Variants in GJC1 observed in about 807,000 individuals in gnomAD.
GJC1 encodes gap junction protein gamma 1.
In GJC1, 5 loss-of-function variants were observed where a neutral mutation model predicts 29.3. The observed-to-expected ratio is 0.17, with a 90% CI of 0.09 to 0.36. The LOEUF (loss-of-function observed/expected upper bound fraction) is 0.36. Ranked by LOEUF, GJC1 falls within the 10% of genes least tolerant of loss-of-function variation. GJC1 has a pLI of 1.00. For missense variants in GJC1, 310 were observed against 496.2 expected, an observed-to-expected ratio of 0.62 and a Z score of 3.56; for synonymous variants, 177 against 183.3, an observed-to-expected ratio of 0.97 and a Z score of 0.28.
chr17:44,824,281 CAG>C (rs1367389308), intron 1 of GJC1, among the ~76,000 whole-genome samples: 2 of 152,130 alleles, frequency 1.3e-5, no homozygotes, highest in African/African-American at 4.8e-5. Context: ...GCTGGGATTA[CAG>C]GTGTGAGCCA....
intron 1 of GJC1, among the ~76,000 whole-genome samples, chr17:44,808,832 C>T (rs1300652768): frequency 6.6e-6 from 1 of 152,176 alleles, no homozygotes; most frequent in Non-Finnish European, 1.5e-5. Context: ...AATTCCAGCA[C>T]TTTGGGAAGC....
downstream of GJC1, among the ~76,000 whole-genome samples, chr17:44,796,739 T>TA (rs2049785532): frequency 6.6e-6 from 1 of 152,050 alleles, no homozygotes; most frequent in Non-Finnish European, 1.5e-5. Context: ...ATAAAAGATT[T>TA]AAAAAAATGA....
At chr17:44,825,114 C>A (rs2050158547) in intron 1 of GJC1, among the ~76,000 whole-genome samples, 1 of 129,748 alleles carries the variant, frequency 7.7e-6, no homozygotes, top group Non-Finnish European at 1.6e-5. Flanking sequence ...ACTAGGGATG[C>A]TGTGGTGGAA....
downstream of GJC1, among the ~76,000 whole-genome samples, chr17:44,796,382 T>C (rs535287189): frequency 2.6e-5 from 4 of 152,272 alleles, no homozygotes; most frequent in South Asian, 8.3e-4. Flanking sequence ...AAATCACTGA[T>C]AGATTATTTG....
chr17:44,826,079 C>G (rs2050172596), intron 1 of GJC1, among the ~76,000 whole-genome samples: 1 of 152,056 alleles, frequency 6.6e-6, no homozygotes, highest in East Asian at 1.9e-4. Flanking sequence ...TGCCACCACG[C>G]CCAGGTAATT....
Position 44,801,436 on chromosome 17 carries a change from G to A in GJC1, c.*3191C>T, listed in dbSNP as rs2049844070. Reference sequence around the variant, plus strand: ...AGAAGCAAGTGTCATGATGGAGCATGTCTTATATGGCAATTCAAAACAGTA... The same window carrying A: ...AGAAGCAAGTGTCATGATGGAGCATATCTTATATGGCAATTCAAAACAGTA... On this transcript the variant is annotated 3_prime_UTR_variant, in exon 3 of 3. Coordinates refer to ENST00000592524, the MANE Select transcript of GJC1 (RefSeq NM_005497.4). 6.6e-6 allele frequency: 1 copy of A among 152,144 alleles called. No individual in the cohort carries two copies. The highest frequency in any genetic ancestry group is 2.1e-4 in the South Asian group (1 of 4,824). The allele number at this position is 152,144 out of a possible 1,614,324, so 9.4% of individuals were successfully genotyped here.
intron 1 of GJC1, among the ~76,000 whole-genome samples, chr17:44,820,757 T>C (rs1315900371): frequency 6.6e-6 from 1 of 152,198 alleles, no homozygotes. Flanking sequence ...CTGCTTTATG[T>C]GCAGAGACCA....
chr17:44,812,131 G>A (rs2049989930), intron 1 of GJC1, among the ~76,000 whole-genome samples: 1 of 152,010 alleles, frequency 6.6e-6, no homozygotes, highest in Non-Finnish European at 1.5e-5. Flanking sequence ...TGGCCAACAT[G>A]ATGAAACCCG....
chr17:44,805,022 T>C lies in GJC1; in HGVS notation c.796A>G (p.Arg266Gly). Residue 266 changes from arginine to glycine, a missense_variant, in exon 3 of 3, where the codon AGG becomes GGG. By Grantham distance (125) the Arg-to-Gly change is moderately radical. Around this residue, in one of 4 missense-constraint regions of GJC1, gnomAD observed 146 missense variants for 165.0 expected, o/e 0.88. Coordinates refer to ENST00000592524, the MANE Select transcript of GJC1 (RefSeq NM_005497.4). The surrounding 1 kb of genome is among the most constrained non-coding windows in gnomAD (Gnocchi z 5.1). ...GTIRDSLNSK[R>G]RELEDPGAYN... ...GCACCCGGATCCTCAAGTTCCCTCC[T>C]TTTACTGTTTAGTGAGTCTCGAATG... The C allele has an allele frequency of 6.2e-7, 1 of 1,614,064 alleles. No homozygotes were observed. Among genetic ancestry groups the C allele is most frequent in the South Asian group, 1.1e-5 (1 of 91,082 alleles).
At chr17:44,825,078 G>T (rs1243459232) in intron 1 of GJC1, among the ~76,000 whole-genome samples, 1 of 150,844 alleles carries the variant, frequency 6.6e-6, no homozygotes, top group Non-Finnish European at 1.5e-5. Context: ...TGGGCGTGGT[G>T]GCGGTGTGGG....
chr17:44,797,054 T>C (rs1296011139), downstream of GJC1, among the ~76,000 whole-genome samples: 1 of 152,160 alleles, frequency 6.6e-6, no homozygotes, highest in Non-Finnish European at 1.5e-5. Flanking sequence ...CTCACTATGT[T>C]GCCCAGACTA....
chr17:44,806,011 C>G (rs776011356), intron 2 of GJC1, among the ~76,000 whole-genome samples, 174 bp from the exon 3 acceptor site: 1 of 152,150 alleles, frequency 6.6e-6, no homozygotes, highest in African/African-American at 2.4e-5. Flanking sequence ...GGGTGGCTCA[C>G]GCCTGTAATC....
At chr17:44,796,753 C>T (rs115605207), downstream of GJC1, among the ~76,000 whole-genome samples, 1,112 of 151,914 alleles carry the variant, frequency 7.3e-3, 23 homozygotes, top group African/African-American at 0.025. Context: ...AAAATGAATC[C>T]CCCAGAGAAC....
At chr17:44,809,402 A>G (rs1204773100) in intron 1 of GJC1, among the ~76,000 whole-genome samples, 1 of 152,210 alleles carries the variant, frequency 6.6e-6, no homozygotes, top group African/African-American at 2.4e-5. Context: ...GATGTAAGCC[A>G]GGTTTCCAAC....
chr17:44,818,698 G>A (rs966642706), intron 1 of GJC1, among the ~76,000 whole-genome samples: 2 of 152,106 alleles, frequency 1.3e-5, no homozygotes, highest in African/African-American at 4.8e-5. Flanking sequence ...AGGAGGCTGA[G>A]GCAGGAGAAT....
Position 44,804,828 on chromosome 17 carries a change from G to C in GJC1, c.990C>G (p.Asn330Lys). The C allele has an allele frequency of 6.2e-7, 1 of 1,614,194 alleles. No individual in the cohort carries two copies. Among genetic ancestry groups the C allele is most frequent in the South Asian group, 1.1e-5 (1 of 91,088 alleles). Residue 330 changes from asparagine to lysine, a missense_variant, in exon 3 of 3, where the codon AAC becomes AAG. Asn to Lys is a moderately conservative substitution (Grantham distance 94). Transcript: ENST00000592524. ...GCAGAGCCTCCAGGTCAGCTGGGAGGTTCTCCTCATGGCTGCCATACTGCT... is the reference window on the plus strand; with the variant it reads ...GCAGAGCCTCCAGGTCAGCTGGGAGCTTCTCCTCATGGCTGCCATACTGCT... The part of the protein sequence containing the change: ...QEQQYGSHEE[N>K]LPADLEALQR...
intron 1 of GJC1, chr17:44,813,169 A>C (rs1048248982): frequency 2.0e-5 from 3 of 151,714 alleles, no homozygotes; most frequent in African/African-American, 7.3e-5. Flanking sequence ...CCTGGGTCCA[A>C]GCAATTCTCC....
At chr17:44,797,993 A>G (rs1314941125), downstream of GJC1, among the ~76,000 whole-genome samples, 1 of 152,154 alleles carries the variant, frequency 6.6e-6, no homozygotes, top group African/African-American at 2.4e-5. Context: ...CTTTTCAACG[A>G]CACTGCTGAC....
upstream of GJC1, among the ~76,000 whole-genome samples, chr17:44,830,433 G>A (rs960764345): frequency 6.6e-6 from 1 of 152,094 alleles, no homozygotes; most frequent in South Asian, 2.1e-4. This position sits in a 1 kb window ranked among gnomAD's most constrained non-coding sequence, Gnocchi z 4.3. Flanking sequence ...CCGCGGTCGA[G>A]TCCTCGCCGC....
Sources: allele counts gnomAD v4.1 joint callset (sites outside exome capture counted in the v4.1 genomes callset), GRCh38; gene constraint gnomAD v4.1.1; regional missense constraint gnomAD v4.1.1; non-coding constraint Gnocchi (gnomAD v3.1); transcripts MANE v1.5; gene names NCBI Gene and HGNC (gene_info 2026-07-23, HGNC 2026-07-21).